The following ATP8B1 variants were observed in gnomAD, a reference collection of about 807,000 sequenced individuals.
ATP8B1 encodes phospholipid-transporting ATPase IC.
Under a neutral mutation model 149.9 loss-of-function variants are expected in ATP8B1, and 80 were observed. The observed-to-expected ratio is 0.53, with a 90% confidence interval of 0.45 to 0.64. ATP8B1 has a LOEUF of 0.64. Among genes scored for constraint, ATP8B1 ranks in the 30% least tolerant of loss-of-function variants. ATP8B1 has a pLI of 0.00. For synonymous variants in ATP8B1, 536 were observed against 562.8 expected, an observed-to-expected ratio of 0.95 and a Z score of 0.67; for missense variants, 1,247 against 1,552.6, an observed-to-expected ratio of 0.80 and a Z score of 3.31.
chr18:57,676,083 T>C (rs1911568025), intron 15 of ATP8B1, among the ~76,000 whole-genome samples: 1 of 152,236 alleles, frequency 6.6e-6, no homozygotes, highest in African/African-American at 2.4e-5. Flanking sequence ...TAAAACTCAT[T>C]GGTATACAAT....
intron 1 of ATP8B1, among the ~76,000 whole-genome samples, chr18:57,777,746 T>C (rs2080318121): frequency 1.3e-5 from 2 of 152,170 alleles, no homozygotes; most frequent in African/African-American, 4.8e-5. Flanking sequence ...TTTTTTGTAG[T>C]TTTTGTACAG....
At chr18:57,755,074 T>G (rs1568055591) in intron 1 of ATP8B1, among the ~76,000 whole-genome samples, 1 of 152,220 alleles carries the variant, frequency 6.6e-6, no homozygotes, top group South Asian at 2.1e-4. Flanking sequence ...TCTTTACATC[T>G]GACACCTCTG....
At chr18:57,761,127 A>AATAAAAAATAAAATAAAAT (rs2080153372) in intron 1 of ATP8B1, among the ~76,000 whole-genome samples, 3 of 105,292 alleles carry the variant, frequency 2.8e-5, no homozygotes, top group African/African-American at 1.2e-4. Context: ...AATAAAATAA[A>AATAAAAAATAAAATAAAAT]ATAAAATAAA....
intron 1 of ATP8B1, among the ~76,000 whole-genome samples, chr18:57,761,114 T>A (rs12965220): frequency 1.9e-3 from 52 of 27,676 alleles, no homozygotes; most frequent in Non-Finnish European, 2.3e-3. Context: ...AAATAAAATA[T>A]AAAATAAAAT....
chr18:57,697,302 A>G (rs1240883175), intron 8 of ATP8B1, among the ~76,000 whole-genome samples: 1 of 152,140 alleles, frequency 6.6e-6, no homozygotes, highest in African/African-American at 2.4e-5. Flanking sequence ...AAAGACTTTA[A>G]AAATCTGTTC....
rs184562533 is a variant in ATP8B1, at chr18:57,677,230, G to A, written c.1631-2208C>T. ...GATAATGTTCTTTTTTAAAAATCTG[G>A]GTGCTCATTACAAGAGTATTGGTTT... is the stretch of plus-strand genomic sequence containing the variant. On this transcript the variant is annotated intron_variant, in intron 15 of 27. Transcript: ENST00000648908. Among the ~76,000 whole-genome samples the A allele has an allele frequency of 3.3e-5, 5 of 152,172 alleles. No homozygotes were observed. In the South Asian group the frequency reaches 6.2e-4, roughly 19 times the overall value.
intron 1 of ATP8B1, among the ~76,000 whole-genome samples, chr18:57,765,241 G>C (rs904442233): frequency 1.6e-4 from 24 of 152,222 alleles, no homozygotes; most frequent in African/African-American, 5.8e-4. Context: ...GCAGGATGAT[G>C]GTTGCCAAAG....
At chr18:57,757,142 G>A (rs543615575) in intron 1 of ATP8B1, among the ~76,000 whole-genome samples, 1 of 152,298 alleles carries the variant, frequency 6.6e-6, no homozygotes, top group East Asian at 1.9e-4. Context: ...ATATGGATGT[G>A]TAAATTCCTA....
chr18:57,743,116 G>A (rs2079933781), intron 1 of ATP8B1, among the ~76,000 whole-genome samples: 1 of 152,164 alleles, frequency 6.6e-6, no homozygotes, highest in Non-Finnish European at 1.5e-5. Flanking sequence ...TTATGCTGAG[G>A]CATGTCGCCA....
chr18:57,667,954 C>A, intron 19 of ATP8B1: 2 of 673,472 alleles, frequency 3.0e-6, no homozygotes, highest in Non-Finnish European at 4.2e-6. Context: ...CAATACCAAA[C>A]AAGTGCTTGT....
chr18:57,675,974 C>T (rs1229961173), intron 15 of ATP8B1, among the ~76,000 whole-genome samples: 1 of 151,988 alleles, frequency 6.6e-6, no homozygotes, highest in East Asian at 1.9e-4. Flanking sequence ...CTAAAGTGTT[C>T]GGATTACAGG....
rs912861198 is a variant in ATP8B1, at chr18:57,692,000, A to G, written c.1030-3T>C. ...AGCAGAATAAGAACAACAAAGATCT[A>G]GAAGACAGAAAACATTTAAATGCAT... On this transcript the variant is annotated splice_polypyrimidine_tract_variant and splice_region_variant and intron_variant, in intron 11 of 27. Coordinates refer to ENST00000648908, the MANE Select transcript of ATP8B1 (RefSeq NM_001374385.1). The G allele has an allele frequency of 6.2e-7, 1 of 1,610,648 alleles. No homozygotes were observed. The highest frequency in any genetic ancestry group is 8.5e-7 in the Non-Finnish European group (1 of 1,178,390).
chr18:57,665,075 C>G (rs1910770554), intron 20 of ATP8B1, among the ~76,000 whole-genome samples: 1 of 151,922 alleles, frequency 6.6e-6, no homozygotes, highest in Non-Finnish European at 1.5e-5. Flanking sequence ...AAGCAAGTGT[C>G]TCTGGACAGT....
intron 19 of ATP8B1, chr18:57,668,068 T>G: frequency 7.7e-7 from 1 of 1,294,240 alleles, no homozygotes; most frequent in Non-Finnish European, 1.0e-6. Flanking sequence ...GTTCAGTACT[T>G]TGTATTGTTC....
At chr18:57,774,219 A>G (rs1017015425) in intron 1 of ATP8B1, among the ~76,000 whole-genome samples, 9 of 148,596 alleles carry the variant, frequency 6.1e-5, no homozygotes, top group South Asian at 2.2e-4. Flanking sequence ...AGCCCAATCA[A>G]TCACCACCAT....
intron 2 of ATP8B1, among the ~76,000 whole-genome samples, chr18:57,714,925 A>T (rs2079570182): frequency 1.3e-5 from 2 of 152,210 alleles, no homozygotes; most frequent in South Asian, 4.1e-4. Flanking sequence ...ATCCAGGAAA[A>T]CATGACTTCA....
In ATP8B1 at chr18:57,696,013, C is replaced by T. The variant is rs549561276; in HGVS notation, c.699-481G>A. Among the ~76,000 whole-genome samples, 207 of 152,296 alleles carry T rather than the reference C, an allele frequency of 1.4e-3. 1 individual carries two copies. Among genetic ancestry groups the T allele is most frequent in the African/African-American group, 4.8e-3 (201 of 41,564 alleles). On this transcript the variant is annotated intron_variant, in intron 8 of 27. Coordinates refer to ENST00000648908, the MANE Select transcript of ATP8B1 (RefSeq NM_001374385.1). ...GGAAAAGGAAGTCTTAGCTTTACTC[C>T]CAACTGCCCCACCATAGTGCAAGGT...
rs1913638829 is a variant in ATP8B1, at chr18:57,710,563, A to AT, written c.182-3977dup. On this transcript the variant is annotated intron_variant, in intron 2 of 27. Transcript: ENST00000648908. ...TGCAGCAAACAAGGAAAACAAGTAG[A>AT]TAAAAAGTCCAACATCAAAAAGAAA... 3.3e-5 allele frequency among the ~76,000 whole-genome samples: 5 copies of AT among 152,162 alleles called. No homozygotes were observed. The South Asian group carries it at 8.3e-4, about 25-fold the overall frequency.
At chr18:57,738,364 C>G (rs909073794) in intron 1 of ATP8B1, among the ~76,000 whole-genome samples, 2 of 152,204 alleles carry the variant, frequency 1.3e-5, no homozygotes, top group Non-Finnish European at 2.9e-5. Flanking sequence ...TGGCTCACGC[C>G]TGTAATCCCA....
Sources: gnomAD v4.1 joint callset for allele counts (sites outside exome capture counted in the v4.1 genomes callset) on GRCh38, gnomAD v4.1.1 for gene constraint, MANE v1.5 for transcripts, NCBI Gene and HGNC (gene_info 2026-07-23, HGNC 2026-07-21) for gene names.